Variants in COL19A1 observed in about 807,000 individuals in gnomAD.
The protein encoded by COL19A1 is collagen type XIX alpha 1 chain.
COL19A1 carries 159 observed loss-of-function variants against 190.2 expected under a neutral mutation model. That is an observed-to-expected ratio of 0.84 (90% CI 0.73 to 0.95). COL19A1 has a LOEUF of 0.95. COL19A1 is among the 40% of genes least tolerant of loss of function. COL19A1 has a pLI of 0.00. For missense variants in COL19A1, 1,418 were observed against 1,431.9 expected, an observed-to-expected ratio of 0.99 and a Z score of 0.16; for synonymous variants, 509 against 458.9, an observed-to-expected ratio of 1.11 and a Z score of -1.39.
chr6:69,939,308 T>C (rs990227579), intron 9 of COL19A1, among the ~76,000 whole-genome samples: 1 of 152,112 alleles, frequency 6.6e-6, no homozygotes, highest in Non-Finnish European at 1.5e-5. Flanking sequence ...ATTATACCAA[T>C]AGCAAGTATT....
chr6:70,166,991 A>G (rs1765201373), intron 37 of COL19A1, among the ~76,000 whole-genome samples: 1 of 152,210 alleles, frequency 6.6e-6, no homozygotes. Context: ...TCCATCCTTC[A>G]AAACACAGTT....
intron 11 of COL19A1, among the ~76,000 whole-genome samples, chr6:70,004,119 C>T (rs1349813843): frequency 6.6e-6 from 1 of 152,124 alleles, no homozygotes; most frequent in Non-Finnish European, 1.5e-5. Flanking sequence ...TTTATTTCTC[C>T]TTCACTTATG....
chr6:70,156,127 A>C lies in COL19A1; in HGVS notation c.2080A>C (p.Asn694His). ...GTAACCTTATCTTTATACTCATTAGAATTTCTGTGGCAACTGCCAAGCCAG... is the reference window on the plus strand; with the variant it reads ...GTAACCTTATCTTTATACTCATTAGCATTTCTGTGGCAACTGCCAAGCCAG... ...LLGDIGALLK[N>H]FCGNCQASVP... Residue 694 changes from asparagine (N) to histidine (H), a missense_variant and splice_region_variant, in exon 32 of 51, where the codon AAT (asparagine) becomes CAT (histidine). Physicochemically the swap from Asn to His is moderately conservative, Grantham distance 68. Transcript: ENST00000620364. 3 of 1,612,568 alleles carry C rather than the reference A, an allele frequency of 1.9e-6. No individual in the cohort carries two copies. The highest frequency in any genetic ancestry group is 2.5e-6 in the Non-Finnish European group (3 of 1,179,272).
chr6:70,131,730 G>A (rs1485978767), intron 18 of COL19A1, among the ~76,000 whole-genome samples: 1 of 152,174 alleles, frequency 6.6e-6, no homozygotes, highest in Non-Finnish European at 1.5e-5. Context: ...GCAAAGAAGA[G>A]TGTTGTGACT....
chr6:70,115,804 TGTTTTG>T (rs1784530363), intron 16 of COL19A1, among the ~76,000 whole-genome samples: 1 of 145,896 alleles, frequency 6.9e-6, no homozygotes. Flanking sequence ...TTGTTTTTTT[TGTTTTG>T]TTTTTTGGTG....
intron 11 of COL19A1, among the ~76,000 whole-genome samples, chr6:69,998,632 G>A (rs1306839316): frequency 3.8e-5 from 5 of 133,242 alleles, no homozygotes; most frequent in Non-Finnish European, 7.7e-5. Context: ...GTGACAGAAC[G>A]AGACTCCCTC....
intron 11 of COL19A1, among the ~76,000 whole-genome samples, chr6:69,980,543 A>T (rs573404985): frequency 6.6e-6 from 1 of 152,288 alleles, no homozygotes; most frequent in Admixed American, 6.5e-5. Context: ...GACATATTAG[A>T]CATATAAAAA....
chr6:70,076,405 A>G (rs1441482319), intron 15 of COL19A1, among the ~76,000 whole-genome samples: 3 of 152,216 alleles, frequency 2.0e-5, no homozygotes, highest in Non-Finnish European at 4.4e-5. Context: ...TTACTTAAAA[A>G]TCACTAACTT....
At chr6:70,134,973 G>A (rs1785756672) in intron 18 of COL19A1, among the ~76,000 whole-genome samples, 1 of 147,936 alleles carries the variant, frequency 6.8e-6, no homozygotes. Flanking sequence ...GCCCCGTGTT[G>A]TTTTATCTGT....
chr6:70,149,969 A>T (rs1786942418), intron 29 of COL19A1, 23 bp from the exon 30 acceptor site: 1 of 1,613,648 alleles, frequency 6.2e-7, no homozygotes. Flanking sequence ...GCAAAGATTG[A>T]ACATGGATAC....
At chr6:69,922,059 C>T (rs1772000710) in intron 4 of COL19A1, among the ~76,000 whole-genome samples, 1 of 151,888 alleles carries the variant, frequency 6.6e-6, no homozygotes, top group South Asian at 2.1e-4. Context: ...TTGGCAAGAC[C>T]CAGAGAAACT....
intron 2 of COL19A1, among the ~76,000 whole-genome samples, chr6:69,889,548 G>A (rs544550013): frequency 4.7e-4 from 71 of 152,172 alleles, no homozygotes; most frequent in Admixed American, 7.9e-4. Context: ...ACTAATCTGC[G>A]CTCTATGTCT....
chr6:70,118,814 GTTGTGCCCTTGCCT>G (rs60020674), intron 16 of COL19A1, among the ~76,000 whole-genome samples: 38,969 of 151,996 alleles, frequency 0.26, 5,481 homozygotes, highest in South Asian at 0.41. Context: ...TTTTTAGTGA[GTTGTGCCCTTGCCT>G]TTGTTTTTAG....
At chr6:70,020,255 A>C (rs1343770132) in intron 11 of COL19A1, among the ~76,000 whole-genome samples, 1 of 152,084 alleles carries the variant, frequency 6.6e-6, no homozygotes, top group Non-Finnish European at 1.5e-5. Flanking sequence ...AAACCACTAC[A>C]TGATATTTTC....
rs751699768 is a variant in COL19A1 at position 70,199,628 on chromosome 6, T to C, written c.3115T>C (p.Ser1039Pro). The change falls in exon 49 of 51, where the codon TCC (serine) becomes CCC (proline). Residue 1039 changes from serine to proline, a missense_variant. Coordinates refer to ENST00000620364, the MANE Select transcript of COL19A1 (RefSeq NM_001858.6). ...TGAAGAGAGGATGGCTGTATTCCTATCCCAGCTCAAGCTGCCAGCAGCAAT... is the reference window on the plus strand; with the variant it reads ...TGAAGAGAGGATGGCTGTATTCCTACCCCAGCTCAAGCTGCCAGCAGCAAT... ...IFEERMAVFL[S>P]QLKLPAAMLA... The C allele has an allele frequency of 6.2e-7, 1 of 1,603,260 alleles. No homozygotes were observed. The highest frequency in any genetic ancestry group is 8.5e-7 in the Non-Finnish European group (1 of 1,173,534).
rs924581469 is a variant in COL19A1, at chr6:70,068,573, G to T, written c.1224+97G>T. The T allele has an allele frequency of 4.0e-5, 28 of 708,258 alleles. No homozygotes were observed. In the South Asian group the frequency reaches 4.9e-4, roughly 12 times the overall value. The allele number at this position is 708,258 out of a possible 1,614,324, so 43.9% of individuals were successfully genotyped here. A position where few individuals can be genotyped will look rare whatever the true frequency, so the allele number is the denominator to read the frequency against. On this transcript the variant is annotated intron_variant, in intron 15 of 50. Coordinates refer to ENST00000620364, the MANE Select transcript of COL19A1 (RefSeq NM_001858.6). ...TGAAACCGAAATAGAGCAAGCAGAT[G>T]GGCATATGGAGAGTATCAATTATCC...
intron 11 of COL19A1, among the ~76,000 whole-genome samples, chr6:69,999,649 A>C (rs76535392): frequency 0.01 from 1,599 of 152,296 alleles, 15 homozygotes; most frequent in Non-Finnish European, 0.014. Flanking sequence ...AAGAGCACTG[A>C]AATTTGTAAA....
At chr6:70,019,845 T>C (rs969032019) in intron 11 of COL19A1, among the ~76,000 whole-genome samples, 2 of 152,122 alleles carry the variant, frequency 1.3e-5, no homozygotes, top group Admixed American at 6.6e-5. Flanking sequence ...CTTAAATCTT[T>C]AATGCTGCAG....
At chr6:69,938,981 G>A (rs1773287322) in intron 9 of COL19A1, among the ~76,000 whole-genome samples, 1 of 152,006 alleles carries the variant, frequency 6.6e-6, no homozygotes, top group African/African-American at 2.4e-5. Context: ...TAAATTATTT[G>A]TATAATCTAT....
Sources: gnomAD v4.1 joint callset for allele counts (sites outside exome capture counted in the v4.1 genomes callset) on GRCh38, gnomAD v4.1.1 for gene constraint, MANE v1.5 for transcripts, NCBI Gene and HGNC (gene_info 2026-07-23, HGNC 2026-07-21) for gene names.